The following DEUP1 variants were observed in gnomAD, a reference collection of about 807,000 sequenced individuals.
The protein encoded by DEUP1 is coiled-coil domain containing 67.
A neutral mutation model predicts 87.4 loss-of-function variants in DEUP1; 82 were observed. The observed-to-expected ratio is 0.94, with a 90% CI of 0.78 to 1.13. The LOEUF is 1.13. Ranked by LOEUF, DEUP1 falls within the 50% of genes most tolerant of loss-of-function variation. The probability of loss-of-function intolerance (pLI) is 0.00; values close to 1 mark genes in which losing one functional copy is unlikely to be tolerated. For missense variants in DEUP1, 663 were observed against 681.5 expected, an observed-to-expected ratio of 0.97 and a Z score of 0.30; for synonymous variants, 214 against 222.7, an observed-to-expected ratio of 0.96 and a Z score of 0.35.
intron 7 of DEUP1, among the ~76,000 whole-genome samples, chr11:93,383,116 A>G (rs1946375809): frequency 6.6e-6 from 1 of 152,244 alleles, no homozygotes; most frequent in Admixed American, 6.5e-5. Context: ...ACTTCTGTAT[A>G]AGAATTAATA....
Position 93,437,912 on chromosome 11 carries a change from T to G in DEUP1, c.*193T>G. On this transcript the variant is annotated 3_prime_UTR_variant, in exon 14 of 14. Transcript: ENST00000298050. ...AGCTGTTCACATTTCTGCATTAACATGCTAAATTGTCCTGCTGTAGAGTTA... is the reference window on the plus strand; with the variant it reads ...AGCTGTTCACATTTCTGCATTAACAGGCTAAATTGTCCTGCTGTAGAGTTA... 1 of 452,512 alleles carries G rather than the reference T, an allele frequency of 2.2e-6. No homozygotes were observed. The highest frequency in any genetic ancestry group is 4.0e-6 in the Non-Finnish European group (1 of 249,406). 28.0% of individuals were successfully genotyped at this position (452,512 alleles called of 1,614,324 possible).
chr11:93,391,934 G>A (rs1240711730), intron 9 of DEUP1, among the ~76,000 whole-genome samples: 1 of 152,004 alleles, frequency 6.6e-6, no homozygotes. Flanking sequence ...TTTCCGCCTT[G>A]TTCTCGTTCC....
rs139851755 is a variant in DEUP1 at position 93,340,540 on chromosome 11, T to C, written c.29+8252T>C. On this transcript the variant is annotated intron_variant, in intron 2 of 13. Coordinates refer to ENST00000298050, the MANE Select transcript of DEUP1 (RefSeq NM_181645.4). ...GGACTCTGAGCAAGGGAGTGACATT[T>C]TCTGACTTAATATTTTAAAAGGCTC... is the stretch of plus-strand genomic sequence containing the variant. 3.9e-5 allele frequency among the ~76,000 whole-genome samples: 6 copies of C among 152,304 alleles called. No individual in the cohort carries two copies. The East Asian group carries it at 7.7e-4, about 20-fold the overall frequency.
At chr11:93,382,829 G>A (rs1946359692) in intron 7 of DEUP1, among the ~76,000 whole-genome samples, 1 of 152,166 alleles carries the variant, frequency 6.6e-6, no homozygotes, top group African/African-American at 2.4e-5. Flanking sequence ...TTATTGAAAT[G>A]TTTAATCTTG....
In DEUP1 at chr11:93,407,534, T is replaced by C. The variant is rs565423156; in HGVS notation, c.1327-697T>C. Among the ~76,000 whole-genome samples the C allele has an allele frequency of 3.9e-5, 6 of 152,282 alleles. No homozygotes were observed. The East Asian group carries it at 7.7e-4, about 20-fold the overall frequency. On this transcript the variant is annotated intron_variant, in intron 11 of 13. Coordinates refer to ENST00000298050, the MANE Select transcript of DEUP1 (RefSeq NM_181645.4). ...ATTATATTGATACTTTATGTTGATA[T>C]TGTATTTTCTACTGGTAGGAAAAAG...
At chr11:93,388,413 C>T (rs562271234) in intron 8 of DEUP1, among the ~76,000 whole-genome samples, 2 of 152,146 alleles carry the variant, frequency 1.3e-5, no homozygotes, top group Admixed American at 6.5e-5. Flanking sequence ...TGAAAGTGAA[C>T]ATTATCTGCT....
chr11:93,427,222 C>G (rs1331014130), intron 13 of DEUP1, among the ~76,000 whole-genome samples: 3 of 150,748 alleles, frequency 2.0e-5, no homozygotes, highest in Admixed American at 6.6e-5. Context: ...TGACTTCAAA[C>G]TATACTACAA....
chr11:93,369,419 G>T (rs1393856471), intron 5 of DEUP1, among the ~76,000 whole-genome samples: 2 of 150,452 alleles, frequency 1.3e-5, no homozygotes, highest in African/African-American at 4.9e-5. Flanking sequence ...AATATTTCGT[G>T]TCAAGAAATA....
At chr11:93,417,771 C>T (rs1360286047) in intron 13 of DEUP1, among the ~76,000 whole-genome samples, 2 of 151,474 alleles carry the variant, frequency 1.3e-5, no homozygotes, top group Non-Finnish European at 2.9e-5. Context: ...TGCTACCTGA[C>T]TTCAAACTAT....
intron 8 of DEUP1, among the ~76,000 whole-genome samples, chr11:93,387,575 T>C (rs1210877375): frequency 6.6e-6 from 1 of 152,192 alleles, no homozygotes; most frequent in African/African-American, 2.4e-5. Context: ...TATATTATCA[T>C]GATTACGGTT....
chr11:93,396,091 T>C (rs1474315168), intron 10 of DEUP1, 148 bp from the exon 11 acceptor site: 2 of 620,256 alleles, frequency 3.2e-6, no homozygotes, highest in Non-Finnish European at 5.7e-6. Context: ...GAGAACTAAA[T>C]AAGAATACCT....
chr11:93,361,228 G>GA (rs1366790572), intron 4 of DEUP1, among the ~76,000 whole-genome samples: 1 of 152,018 alleles, frequency 6.6e-6, no homozygotes, highest in African/African-American at 2.4e-5. Context: ...TCAAACGAAG[G>GA]AAAACTAAAA....
At chr11:93,388,173 C>T (rs1208138010) in intron 8 of DEUP1, among the ~76,000 whole-genome samples, 3 of 152,044 alleles carry the variant, frequency 2.0e-5, no homozygotes, top group Non-Finnish European at 4.4e-5. Flanking sequence ...TTTATCATTA[C>T]TCATATTTGG....
Position 93,369,702 on chromosome 11 carries a change from C to T in DEUP1, c.433-371C>T, listed in dbSNP as rs1278427990. Among the ~76,000 whole-genome samples, 4 of 6,396 alleles carry T rather than the reference C, an allele frequency of 6.3e-4. 2 individuals carry two copies. The highest frequency in any genetic ancestry group is 1.3e-3 in the African/African-American group (2 of 1,562). 4.2% of individuals were successfully genotyped at this position (6,396 alleles called of 152,430 possible). ...ATCCCAGCACTTTGGGAGGCCGAGG[C>T]GGGCGGATCACGAGGTCAGGAGATC... On this transcript the variant is annotated intron_variant, in intron 5 of 13. Coordinates refer to ENST00000298050, the MANE Select transcript of DEUP1 (RefSeq NM_181645.4).
At chr11:93,401,728 T>G (rs1371582337) in intron 11 of DEUP1, among the ~76,000 whole-genome samples, 4 of 151,880 alleles carry the variant, frequency 2.6e-5, no homozygotes, top group Non-Finnish European at 4.4e-5. Context: ...ATATTGAAAA[T>G]AATGTATTTT....
intron 7 of DEUP1, among the ~76,000 whole-genome samples, chr11:93,383,113 T>C (rs1269898902): frequency 2.0e-5 from 3 of 152,346 alleles, no homozygotes; most frequent in Non-Finnish European, 4.4e-5. Context: ...TGAACTTCTG[T>C]ATAAGAATTA....
chr11:93,391,603 G>C (rs1946767032), intron 9 of DEUP1, among the ~76,000 whole-genome samples: 1 of 151,552 alleles, frequency 6.6e-6, no homozygotes. Flanking sequence ...AGCTACTCGG[G>C]AGGCTGAGGC....
chr11:93,356,599 GA>G (rs993224827), intron 3 of DEUP1, among the ~76,000 whole-genome samples: 8 of 150,502 alleles, frequency 5.3e-5, no homozygotes, highest in East Asian at 1.9e-4. Flanking sequence ...AGGTAATGGA[GA>G]AAAAAAAAGC....
intron 7 of DEUP1, among the ~76,000 whole-genome samples, chr11:93,378,158 C>T (rs1946130569): frequency 6.6e-6 from 1 of 152,284 alleles, no homozygotes; most frequent in South Asian, 2.1e-4. Flanking sequence ...AGATCTCTAG[C>T]AAGGCCAGGG....
Sources: allele counts gnomAD v4.1 joint callset (sites outside exome capture counted in the v4.1 genomes callset), GRCh38; gene constraint gnomAD v4.1.1; transcripts MANE v1.5; gene names NCBI Gene and HGNC (gene_info 2026-07-23, HGNC 2026-07-21).